Variants in EFL1 observed in about 807,000 individuals in gnomAD.
The protein encoded by EFL1 is elongation factor-like GTPase 1.
In EFL1, 76 loss-of-function variants were observed where a neutral mutation model predicts 126.7. The ratio of observed to expected loss-of-function variants is 0.60; its 90% CI spans 0.50 to 0.73. The LOEUF (loss-of-function observed/expected upper bound fraction) is 0.73, where lower values mean the gene tolerates loss of function less well. Among genes scored for constraint, EFL1 ranks in the 30% least tolerant of loss-of-function variants. The pLI is 0.00. For synonymous variants in EFL1, 410 were observed against 448.4 expected, an observed-to-expected ratio of 0.91 and a Z score of 1.08; for missense variants, 1,128 against 1,343.2, an observed-to-expected ratio of 0.84 and a Z score of 2.50.
intron 15 of EFL1, among the ~76,000 whole-genome samples, chr15:82,199,329 GAA>G (rs1567060191): frequency 6.8e-6 from 1 of 146,798 alleles, no homozygotes; most frequent in African/African-American, 2.6e-5. Flanking sequence ...GAGAGAGAGA[GAA>G]AGAGAGAGAG....
At chr15:82,179,239 G>A (rs896918609) in intron 15 of EFL1, among the ~76,000 whole-genome samples, 4 of 152,262 alleles carry the variant, frequency 2.6e-5, no homozygotes, top group Non-Finnish European at 4.4e-5. Context: ...CAGGTAATGA[G>A]AAAAGCCTTC....
intron 18 of EFL1, among the ~76,000 whole-genome samples, chr15:82,149,540 G>C (rs1315371443): frequency 6.6e-6 from 1 of 152,180 alleles, no homozygotes; most frequent in African/African-American, 2.4e-5. Context: ...TCTACTGGTT[G>C]GAGGGTATGT....
chr15:82,148,812 T>A (rs893041686), intron 18 of EFL1, among the ~76,000 whole-genome samples: 2 of 152,212 alleles, frequency 1.3e-5, no homozygotes, highest in Non-Finnish European at 2.9e-5. Context: ...TTTTTGAGGA[T>A]ATAAACACTG....
chr15:82,161,609 G>A (rs2074024928), intron 16 of EFL1, among the ~76,000 whole-genome samples: 1 of 152,124 alleles, frequency 6.6e-6, no homozygotes, highest in Non-Finnish European at 1.5e-5. Context: ...GAAGAAAATA[G>A]CAATACTCCT....
intron 15 of EFL1, among the ~76,000 whole-genome samples, chr15:82,203,770 T>C (rs1256308601): frequency 2.0e-5 from 3 of 152,250 alleles, no homozygotes; most frequent in Non-Finnish European, 2.9e-5. Context: ...ATACATATAA[T>C]GTACTTCATT....
rs72751612 is a variant in EFL1, at chr15:82,253,331, C to T, written c.160-556G>A. Among the ~76,000 whole-genome samples the T allele has an allele frequency of 6.9e-3, 1,046 of 151,762 alleles. 10 individuals carry two copies. Among genetic ancestry groups the T allele is most frequent in the Non-Finnish European group, 8.2e-3 (559 of 67,930 alleles). On this transcript the variant is annotated intron_variant, in intron 3 of 19. Transcript: ENST00000268206. ...CTGGCATTACGGGCATGAGCTACCG[C>T]GCCTAGCCCTCTCTCTTTTTTTTTT...
chr15:82,137,943 A>G (rs1416254250), intron 19 of EFL1, among the ~76,000 whole-genome samples: 1 of 152,124 alleles, frequency 6.6e-6, no homozygotes, highest in East Asian at 1.9e-4. Flanking sequence ...GTCTGACCTT[A>G]TCTTTGCCAC....
chr15:82,250,793 T>C (rs1249767834), intron 4 of EFL1, among the ~76,000 whole-genome samples: 1 of 152,122 alleles, frequency 6.6e-6, no homozygotes, highest in Admixed American at 6.5e-5. Flanking sequence ...GAGACATCAC[T>C]CCAATAAGAC....
chr15:82,146,606 T>C lies in EFL1; in HGVS notation c.2989+4859A>G, dbSNP rs143108931. 5.3e-3 allele frequency among the ~76,000 whole-genome samples: 472 copies of C among 89,742 alleles called. 5 individuals carry two copies. The highest frequency in any genetic ancestry group is 0.02 in the African/African-American group (445 of 21,742). 58.9% of individuals were successfully genotyped at this position (89,742 alleles called of 152,430 possible). Reference sequence around the variant, plus strand: ...CTAAGCAAGAGGACTTCAAATCAATTCGAGAAAAAAAAAAAAAAAAAGCCA... The same window carrying C: ...CTAAGCAAGAGGACTTCAAATCAATCCGAGAAAAAAAAAAAAAAAAAGCCA... On this transcript the variant is annotated intron_variant, in intron 18 of 19. Coordinates refer to ENST00000268206, the MANE Select transcript of EFL1 (RefSeq NM_024580.6).
At chr15:82,189,888 G>A (rs1055681777) in intron 15 of EFL1, among the ~76,000 whole-genome samples, 1 of 152,060 alleles carries the variant, frequency 6.6e-6, no homozygotes, top group Non-Finnish European at 1.5e-5. Flanking sequence ...GGCTGAGGTG[G>A]GCAGATCACC....
chr15:82,157,261 C>T (rs539890653), intron 17 of EFL1, among the ~76,000 whole-genome samples: 3 of 152,132 alleles, frequency 2.0e-5, no homozygotes, highest in East Asian at 1.9e-4. Flanking sequence ...GAAAAATGCC[C>T]GTTATAAAAA....
intron 15 of EFL1, among the ~76,000 whole-genome samples, chr15:82,208,790 TA>T (rs546448768): frequency 7.4e-5 from 11 of 148,850 alleles, no homozygotes; most frequent in East Asian, 2.0e-4. Context: ...TCCCGATTAT[TA>T]AAAAAAAAAT....
chr15:82,138,614 C>A (rs2073750280), intron 19 of EFL1, 44 bp downstream of exon 19: 2 of 1,598,394 alleles, frequency 1.3e-6, no homozygotes, highest in East Asian at 4.5e-5. Context: ...GGGAATGTAT[C>A]CATAGATGAG....
intron 4 of EFL1, 46 bp downstream of exon 4, chr15:82,252,645 A>G (rs767474067): frequency 1.4e-6 from 2 of 1,432,860 alleles, no homozygotes; most frequent in East Asian, 2.3e-5. Flanking sequence ...AGAAGAGGAC[A>G]TGAAAGATGC....
At chr15:82,130,862 A>AC (rs397699794) in intron 19 of EFL1, among the ~76,000 whole-genome samples, 2 of 151,334 alleles carry the variant, frequency 1.3e-5, no homozygotes, top group African/African-American at 2.4e-5. Context: ...AACAACAACA[A>AC]AAATTAGCTG....
intron 15 of EFL1, among the ~76,000 whole-genome samples, chr15:82,207,416 T>C (rs1239814746): frequency 6.6e-6 from 1 of 151,852 alleles, no homozygotes; most frequent in Non-Finnish European, 1.5e-5. Context: ...GTTCTGAAAG[T>C]TGCAGCAAAT....
At chr15:82,231,052 A>G in intron 7 of EFL1, 81 bp from the exon 8 acceptor site, 2 of 1,483,120 alleles carry the variant, frequency 1.3e-6, no homozygotes, top group Non-Finnish European at 1.8e-6. Context: ...ACTTCTTTAC[A>G]CGTGTATTAC....
At chr15:82,180,381 AAAC>A (rs1352812405) in intron 15 of EFL1, among the ~76,000 whole-genome samples, 26 of 128,280 alleles carry the variant, frequency 2.0e-4, no homozygotes, top group Non-Finnish European at 4.9e-5. Context: ...AACAAAAAAA[AAAC>A]AAACAAAAAA....
chr15:82,212,101 T>C (rs1461194572), intron 15 of EFL1, among the ~76,000 whole-genome samples: 1 of 152,158 alleles, frequency 6.6e-6, no homozygotes, highest in Non-Finnish European at 1.5e-5. Context: ...CAACCTGCCA[T>C]CATATAATGA....
Sources: allele counts gnomAD v4.1 joint callset (sites outside exome capture counted in the v4.1 genomes callset), GRCh38; gene constraint gnomAD v4.1.1; transcripts MANE v1.5; gene names NCBI Gene and HGNC (gene_info 2026-07-23, HGNC 2026-07-21).